The following PLEKHG1 variants were observed in gnomAD, a reference collection of about 807,000 sequenced individuals.
The protein encoded by PLEKHG1 is pleckstrin homology domain-containing family G member 1.
Under a neutral mutation model 100.8 loss-of-function variants are expected in PLEKHG1, and 44 were observed. That is an observed-to-expected ratio of 0.44 (90% CI 0.34 to 0.56). PLEKHG1 has a LOEUF of 0.56. PLEKHG1 is among the 20% of genes least tolerant of loss of function. PLEKHG1 has a pLI of 0.01. For missense variants in PLEKHG1, 1,545 were observed against 1,720.9 expected (o/e 0.90, Z 1.81); for synonymous variants, 640 against 662.5 (o/e 0.97, Z 0.52).
chr6:150,677,704 TA>T (rs575877742), intron 3 of PLEKHG1, among the ~76,000 whole-genome samples: 8 of 147,928 alleles, frequency 5.4e-5, no homozygotes, highest in African/African-American at 1.8e-4. Flanking sequence ...ATCCCGTCTC[TA>T]AAAAAGAAAA....
chr6:150,701,033 A>G (rs1320792943), intron 3 of PLEKHG1, among the ~76,000 whole-genome samples: 1 of 151,542 alleles, frequency 6.6e-6, no homozygotes, highest in Non-Finnish European at 1.5e-5. Flanking sequence ...AAAATTTTAT[A>G]TTTAGGCTGG....
chr6:150,692,356 A>T (rs1009266905), intron 3 of PLEKHG1, among the ~76,000 whole-genome samples: 1 of 152,232 alleles, frequency 6.6e-6, no homozygotes, highest in South Asian at 2.1e-4. Context: ...CAACAATACA[A>T]CTCTTTTCCC....
At chr6:150,830,671 C>T in exon 15 of PLEKHG1, 3 of 1,614,130 alleles carry the variant, frequency 1.9e-6, no homozygotes, top group South Asian at 2.2e-5. Context: ...CTACCATGAT[C>T]AGCGTGCTTC....
intron 2 of PLEKHG1, among the ~76,000 whole-genome samples, chr6:150,646,382 G>T (rs140707376): frequency 1.6e-3 from 245 of 152,186 alleles, no homozygotes; most frequent in Middle Eastern, 0.014. Flanking sequence ...TAATTAGGGG[G>T]ATGAAACATG....
intron 3 of PLEKHG1, among the ~76,000 whole-genome samples, chr6:150,707,167 G>A (rs1186953670): frequency 1.3e-5 from 2 of 151,576 alleles, no homozygotes; most frequent in African/African-American, 4.8e-5. Flanking sequence ...ACCATGCCTG[G>A]CTAATTTTTA....
intron 2 of PLEKHG1, among the ~76,000 whole-genome samples, chr6:150,760,688 GA>G (rs957890277): frequency 1.5e-5 from 2 of 136,272 alleles, no homozygotes; most frequent in African/African-American, 5.5e-5. Context: ...TTACACTATA[GA>G]AAAAACAGTA....
chr6:150,620,329 A>G (rs1777246797), intron 1 of PLEKHG1, among the ~76,000 whole-genome samples: 1 of 152,198 alleles, frequency 6.6e-6, no homozygotes, highest in South Asian at 2.1e-4. Context: ...TTTCTCTCCA[A>G]GGAAGACACC....
At chr6:150,719,572 A>G (rs1028183146), upstream of PLEKHG1, among the ~76,000 whole-genome samples, 6 of 152,222 alleles carry the variant, frequency 3.9e-5, no homozygotes, top group African/African-American at 1.4e-4. Flanking sequence ...TAAGTGTAAT[A>G]AACAGCTGTT....
At chr6:150,802,559 A>T (rs961919076) in intron 6 of PLEKHG1, among the ~76,000 whole-genome samples, 1 of 151,996 alleles carries the variant, frequency 6.6e-6, no homozygotes. Flanking sequence ...GGCAATGAAG[A>T]AAAAAAACAG....
exon 15 of PLEKHG1, chr6:150,832,148 A>G (rs1423290843): frequency 6.2e-7 from 1 of 1,612,892 alleles, no homozygotes. Context: ...TCAGAAATCC[A>G]TGCACAAAGA....
chr6:150,715,917 G>A (rs1223202105), intron 3 of PLEKHG1, among the ~76,000 whole-genome samples: 2 of 147,740 alleles, frequency 1.4e-5, no homozygotes, highest in African/African-American at 4.9e-5. Context: ...GACCATCCTG[G>A]CTAACACGGT....
rs774155516 is a variant in PLEKHG1 at position 150,821,207 on chromosome 6, G to C, written c.1421G>C (p.Arg474Pro). Residue 474 changes from arginine to proline, a missense_variant, in exon 13 of 16, where the codon CGG (arginine) becomes CCG (proline). By Grantham distance (103) the Arg-to-Pro change is moderately radical. Transcript: ENST00000358517. ...TTTTGTCTCCCAGAACCTTCCTCAC[G>C]GTCACATAAAGTTTTGAAGACCAGT... The C allele has an allele frequency of 2.5e-6, 4 of 1,613,024 alleles. No homozygotes were observed. The South Asian group carries it at 3.3e-5, about 13-fold the overall frequency.
intron 1 of PLEKHG1, among the ~76,000 whole-genome samples, chr6:150,610,670 T>C (rs1365525175): frequency 1.3e-5 from 2 of 152,208 alleles, no homozygotes; most frequent in Non-Finnish European, 2.9e-5. Flanking sequence ...AAAAACCCAC[T>C]AGAGCAATCC....
At chr6:150,717,088 G>C (rs1201977096), upstream of PLEKHG1, among the ~76,000 whole-genome samples, 1 of 152,232 alleles carries the variant, frequency 6.6e-6, no homozygotes, top group Non-Finnish European at 1.5e-5. Context: ...CTGGAGTGCA[G>C]TGGTGCAGTT....
intron 10 of PLEKHG1, among the ~76,000 whole-genome samples, chr6:150,817,980 T>G (rs970754665): frequency 2.0e-5 from 3 of 152,088 alleles, no homozygotes; most frequent in Non-Finnish European, 2.9e-5. Flanking sequence ...TCCGGTGCCT[T>G]GATGGTGTAG....
chr6:150,838,812 TACATGC>T (rs1380959396), intron 15 of PLEKHG1, among the ~76,000 whole-genome samples: 1 of 152,206 alleles, frequency 6.6e-6, no homozygotes, highest in Non-Finnish European at 1.5e-5. Flanking sequence ...GATTATTGAG[TACATGC>T]ACAGACGGTT....
chr6:150,832,019 G>A, exon 15 of PLEKHG1: 1 of 1,613,960 alleles, frequency 6.2e-7, no homozygotes, highest in East Asian at 2.2e-5. Context: ...GGAGGCCACA[G>A]ATAAGACAAA....
At chr6:150,814,290 G>A (rs1787727571) in intron 10 of PLEKHG1, among the ~76,000 whole-genome samples, 1 of 152,198 alleles carries the variant, frequency 6.6e-6, no homozygotes, top group African/African-American at 2.4e-5. Context: ...TTGCTAACAA[G>A]ATTCTGAAAG....
At chr6:150,809,224 C>G (rs375658388) in exon 8 of PLEKHG1, 7 of 1,614,078 alleles carry the variant, frequency 4.3e-6, no homozygotes, top group Non-Finnish European at 5.9e-6. Flanking sequence ...TCTTCCTCTT[C>G]GACAAGCTGC....
Sources: allele counts gnomAD v4.1 joint callset (sites outside exome capture counted in the v4.1 genomes callset), GRCh38; gene constraint gnomAD v4.1.1; transcripts MANE v1.5; gene names NCBI Gene and HGNC (gene_info 2026-07-23, HGNC 2026-07-21).